Variants in DOCK3 observed in about 807,000 individuals in gnomAD.
DOCK3 encodes the protein dedicator of cytokinesis protein 3.
Under a neutral mutation model 265.6 loss-of-function variants are expected in DOCK3, and 60 were observed. That is an observed-to-expected ratio of 0.23 (90% CI 0.18 to 0.28). The LOEUF (loss-of-function observed/expected upper bound fraction) is 0.28, where lower values mean the gene tolerates loss of function less well. Among genes scored for constraint, DOCK3 ranks in the 10% least tolerant of loss-of-function variants. The pLI is 1.00. For missense variants in DOCK3, 1,981 were observed against 2,594.3 expected, an observed-to-expected ratio of 0.76 and a Z score of 5.14; for synonymous variants, 881 against 938.0, an observed-to-expected ratio of 0.94 and a Z score of 1.11.
intron 5 of DOCK3, among the ~76,000 whole-genome samples, chr3:50,971,247 G>A (rs2077225025): frequency 6.6e-6 from 1 of 151,594 alleles, no homozygotes; most frequent in Non-Finnish European, 1.5e-5. Flanking sequence ...GTGTTGTAAT[G>A]CTGTTTTTTT....
chr3:51,167,178 T>G (rs745626371), intron 12 of DOCK3, among the ~76,000 whole-genome samples: 1 of 152,234 alleles, frequency 6.6e-6, no homozygotes, highest in Non-Finnish European at 1.5e-5. Flanking sequence ...TATATGTGGA[T>G]GTACAGTTTT....
chr3:51,038,998 T>C (rs1371314492), intron 5 of DOCK3, among the ~76,000 whole-genome samples: 2 of 151,800 alleles, frequency 1.3e-5, no homozygotes, highest in Non-Finnish European at 2.9e-5. Flanking sequence ...TTAATTTTAT[T>C]ATTATTATTA....
chr3:51,356,296 C>G (rs774803297), intron 42 of DOCK3, 41 bp downstream of exon 42: 2 of 1,612,452 alleles, frequency 1.2e-6, no homozygotes, highest in Non-Finnish European at 1.7e-6. Context: ...CACAGCAAGT[C>G]CAGGGGCAAG....
chr3:51,318,256 G>A (rs935347100), intron 32 of DOCK3, among the ~76,000 whole-genome samples: 6 of 152,132 alleles, frequency 3.9e-5, no homozygotes, highest in Non-Finnish European at 8.8e-5. Flanking sequence ...GCAGGTGCCT[G>A]TAATCCCAGC....
intron 38 of DOCK3, among the ~76,000 whole-genome samples, chr3:51,344,268 C>A (rs1026132880): frequency 6.6e-6 from 1 of 152,186 alleles, no homozygotes; most frequent in Non-Finnish European, 1.5e-5. Context: ...ATTAGAATGA[C>A]CCCTAAGTCA....
chr3:51,073,230 T>C lies in DOCK3; in HGVS notation c.465-2126T>C, dbSNP rs566534071. ...TATTTCAGTTTTCTGATACAAATGC[T>C]AATATCATTCTTGTGATCTTTCCAT... On this transcript the variant is annotated intron_variant, in intron 6 of 52. Coordinates refer to ENST00000266037, the MANE Select transcript of DOCK3 (RefSeq NM_004947.5). Among the ~76,000 whole-genome samples the C allele has an allele frequency of 9.1e-4, 138 of 152,378 alleles. 1 individual carries two copies. Among genetic ancestry groups the C allele is most frequent in the South Asian group, 2.5e-3 (12 of 4,830 alleles).
At chr3:51,237,358 C>A in intron 20 of DOCK3, 132 bp from the exon 21 acceptor site, 1 of 721,266 alleles carries the variant, frequency 1.4e-6, no homozygotes. Context: ...CTTACATTCA[C>A]TACCCATGGG....
chr3:50,791,445 G>T (rs1420971982), intron 2 of DOCK3, among the ~76,000 whole-genome samples: 2 of 151,594 alleles, frequency 1.3e-5, no homozygotes, highest in Non-Finnish European at 2.9e-5. Flanking sequence ...TGTATTTTTA[G>T]TTTCACCATG....
chr3:50,814,679 C>T (rs2043967126), intron 2 of DOCK3, among the ~76,000 whole-genome samples: 1 of 152,132 alleles, frequency 6.6e-6, no homozygotes, highest in African/African-American at 2.4e-5. Context: ...GGCATTAAAA[C>T]CGGACTATAA....
intron 5 of DOCK3, among the ~76,000 whole-genome samples, chr3:50,964,367 T>G (rs1409411588): frequency 1.3e-5 from 2 of 152,152 alleles, no homozygotes; most frequent in Non-Finnish European, 2.9e-5. Context: ...ACAATGATGT[T>G]AAAGTGGTTT....
intron 5 of DOCK3, among the ~76,000 whole-genome samples, chr3:50,990,910 CT>C (rs1219601132): frequency 6.6e-6 from 1 of 152,172 alleles, no homozygotes; most frequent in Non-Finnish European, 1.5e-5. Flanking sequence ...TGTTAATCTC[CT>C]TTGGCAACAC....
chr3:51,196,939 T>G (rs935950762), intron 12 of DOCK3, among the ~76,000 whole-genome samples: 1 of 152,230 alleles, frequency 6.6e-6, no homozygotes, highest in Non-Finnish European at 1.5e-5. Context: ...TTTTTCATGT[T>G]TCCTGTGTCA....
intron 1 of DOCK3, among the ~76,000 whole-genome samples, chr3:50,713,266 G>T (rs1359135138): frequency 6.6e-6 from 1 of 152,168 alleles, no homozygotes; most frequent in Non-Finnish European, 1.5e-5. Flanking sequence ...TTCTCCAGGG[G>T]TATGTGTGCC....
At chr3:51,282,120 G>A (rs1284754454) in intron 27 of DOCK3, among the ~76,000 whole-genome samples, 4 of 152,114 alleles carry the variant, frequency 2.6e-5, no homozygotes, top group African/African-American at 9.7e-5. Context: ...TAGCAACTTA[G>A]AACTTCCCAA....
chr3:50,731,233 A>G lies in DOCK3; in HGVS notation c.38-47442A>G, dbSNP rs371405245. 5.3e-5 allele frequency among the ~76,000 whole-genome samples: 8 copies of G among 152,366 alleles called. No homozygotes were observed. In the East Asian group the frequency reaches 1.5e-3, roughly 29 times the overall value. On this transcript the variant is annotated intron_variant, in intron 1 of 52. Transcript: ENST00000266037. ...ATAAAAAGGATAATACACCACAACC[A>G]GTGTTGTTTATCCGAGAAAGGCAAG...
chr3:51,256,391 C>A (rs1388489511), intron 22 of DOCK3, among the ~76,000 whole-genome samples: 2 of 152,162 alleles, frequency 1.3e-5, no homozygotes, highest in African/African-American at 4.8e-5. Context: ...CTGCCTTAGT[C>A]TCCTGAGTAG....
chr3:50,815,441 G>A (rs1183323203), intron 2 of DOCK3, among the ~76,000 whole-genome samples: 3 of 152,068 alleles, frequency 2.0e-5, no homozygotes, highest in Non-Finnish European at 4.4e-5. Flanking sequence ...ACAAATGTTT[G>A]GGATTTTGGT....
intron 27 of DOCK3, among the ~76,000 whole-genome samples, chr3:51,294,132 G>A (rs1486628343): frequency 1.3e-5 from 2 of 152,146 alleles, no homozygotes; most frequent in Non-Finnish European, 2.9e-5. Flanking sequence ...AAAGAGATAT[G>A]TACACTCCCA....
intron 9 of DOCK3, among the ~76,000 whole-genome samples, chr3:51,117,752 G>A (rs1380160289): frequency 6.6e-6 from 1 of 152,120 alleles, no homozygotes; most frequent in East Asian, 1.9e-4. Context: ...TTTGCTTTTA[G>A]GTGTTTATAG....
Sources: gnomAD v4.1 joint callset for allele counts (sites outside exome capture counted in the v4.1 genomes callset) on GRCh38, gnomAD v4.1.1 for gene constraint, MANE v1.5 for transcripts, NCBI Gene and HGNC (gene_info 2026-07-23, HGNC 2026-07-21) for gene names.